TEKT5: variants seen among roughly 807,000 people sequenced by gnomAD.
TEKT5 encodes tektin 5.
TEKT5 carries 52 observed loss-of-function variants against 48.7 expected under a neutral mutation model. That is an observed-to-expected ratio of 1.07 (90% confidence interval 0.86 to 1.35). The LOEUF is 1.35. Among genes scored for constraint, TEKT5 ranks in the 40% most tolerant of loss-of-function variants. The probability of loss-of-function intolerance (pLI) is 0.00; values close to 1 mark genes in which losing one functional copy is unlikely to be tolerated. For synonymous variants in TEKT5, 318 were observed against 267.6 expected (o/e 1.19, Z -1.84); for missense variants, 831 against 641.6 (o/e 1.30, Z -3.19).
At chr16:10,637,837 G>T (rs189211503) in intron 5 of TEKT5, among the ~76,000 whole-genome samples, 5 of 152,320 alleles carry the variant, frequency 3.3e-5, no homozygotes, top group Admixed American at 2.6e-4. Context: ...TTGAGACAGG[G>T]TCTTGCTCTG....
At chr16:10,639,642 T>A (rs1476944358) in intron 5 of TEKT5, among the ~76,000 whole-genome samples, 1 of 152,202 alleles carries the variant, frequency 6.6e-6, no homozygotes, top group Admixed American at 6.5e-5. Context: ...TCACAGTCTA[T>A]TTTTCAAATA....
Position 10,694,844 on chromosome 16 carries a change from G to C in TEKT5, c.30C>G (p.Ala10=). Residue 10 remains alanine (A), a synonymous_variant, in exon 1 of 7, where the codon GCC becomes GCG. Transcript: ENST00000283025. MEFLGTTQT[A]SYCGPKKCCG... ...AGCATTTCTTGGGACCACAGTAACTGGCGGTCTGAGTAGTCCCAAGAAACT... is the reference window on the plus strand; with the variant it reads ...AGCATTTCTTGGGACCACAGTAACTCGCGGTCTGAGTAGTCCCAAGAAACT... 6.3e-7 allele frequency: 1 copy of C among 1,589,596 alleles called. No homozygotes were observed. The highest frequency in any genetic ancestry group is 1.2e-5 in the South Asian group (1 of 86,320).
intron 5 of TEKT5, among the ~76,000 whole-genome samples, chr16:10,673,314 T>C (rs1747712980): frequency 6.6e-6 from 1 of 152,158 alleles, no homozygotes; most frequent in Non-Finnish European, 1.5e-5. Flanking sequence ...TGAAGTTTTA[T>C]TGGAACACAG....
At chr16:10,629,281 C>T (rs568830389) in intron 6 of TEKT5, among the ~76,000 whole-genome samples, 13 of 150,368 alleles carry the variant, frequency 8.6e-5, no homozygotes, top group African/African-American at 3.2e-4. Flanking sequence ...GATGGAGTCT[C>T]GCCCTGTCAT....
intron 5 of TEKT5, among the ~76,000 whole-genome samples, chr16:10,654,964 G>A (rs1462478118): frequency 1.3e-5 from 1 of 78,148 alleles, no homozygotes; most frequent in African/African-American, 5.5e-5. Flanking sequence ...CCCAGTCTGT[G>A]ACGAGATTTT....
At chr16:10,660,949 C>T (rs1898360192) in intron 5 of TEKT5, among the ~76,000 whole-genome samples, 1 of 152,132 alleles carries the variant, frequency 6.6e-6, no homozygotes, top group South Asian at 2.1e-4. Flanking sequence ...GATCTGCCCA[C>T]CCTGGCCTCC....
At chr16:10,687,329 A>G (rs1898880181) in intron 3 of TEKT5, among the ~76,000 whole-genome samples, 2 of 152,242 alleles carry the variant, frequency 1.3e-5, no homozygotes, top group African/African-American at 2.4e-5. Flanking sequence ...TATGTACAGC[A>G]TATACCACTT....
chr16:10,688,254 T>C (rs982185380), intron 3 of TEKT5, among the ~76,000 whole-genome samples: 4 of 152,172 alleles, frequency 2.6e-5, no homozygotes, highest in African/African-American at 7.2e-5. Context: ...TTTCTAGGGG[T>C]CTCCAATGTG....
intron 5 of TEKT5, among the ~76,000 whole-genome samples, chr16:10,657,560 C>T (rs564614638): frequency 6.6e-6 from 1 of 151,658 alleles, no homozygotes; most frequent in African/African-American, 2.4e-5. Context: ...AACATTAAGT[C>T]ACGTTGTAGA....
intron 1 of TEKT5, chr16:10,690,842 G>A (rs1898960261): frequency 8.5e-6 from 8 of 939,324 alleles, no homozygotes; most frequent in Non-Finnish European, 1.0e-5. Flanking sequence ...GAAGGAAGCA[G>A]GATGTCAAGG....
chr16:10,694,522 C>G lies in TEKT5; in HGVS notation c.352G>C (p.Asp118His), dbSNP rs1350917495. The change falls in exon 1 of 7, where the codon GAC (aspartate) becomes CAC (histidine). Residue 118 changes from aspartate (D) to histidine (H), a missense_variant. Physicochemically the swap from Asp to His is moderately conservative, Grantham distance 81 (BLOSUM62 -1). Transcript: ENST00000283025. ...SRLWASRLTD[D>H]SMRLLQDKDQ... ...TTGTCCTGCAAGAGCCTCATGGAGT[C>G]ATCCGTCAGCCGGCTGGCCCACAGC... 6.2e-7 allele frequency: 1 copy of G among 1,609,260 alleles called. No homozygotes were observed.
At chr16:10,676,845 C>G (rs1238335125) in intron 4 of TEKT5, among the ~76,000 whole-genome samples, 1 of 152,150 alleles carries the variant, frequency 6.6e-6, no homozygotes, top group Admixed American at 6.5e-5. Context: ...GGGAGATTGA[C>G]AGTGAATGAG....
chr16:10,656,835 G>A (rs548977811), intron 5 of TEKT5, among the ~76,000 whole-genome samples: 1 of 152,158 alleles, frequency 6.6e-6, no homozygotes, highest in East Asian at 1.9e-4. Context: ...TGATCTCCTG[G>A]GCTCAAGTGA....
In TEKT5 at chr16:10,666,749, G is replaced by T. The variant is rs1437647598; in HGVS notation, c.1086+9210C>A. On this transcript the variant is annotated intron_variant, in intron 5 of 6. Coordinates refer to ENST00000283025, the MANE Select transcript of TEKT5 (RefSeq NM_144674.2). ...GTTCTGAAGTCAATACAAGGCGTGA[G>T]AACTGTGTCTCGTCAAAAGTGCCCT... 2.0e-5 allele frequency among the ~76,000 whole-genome samples: 3 copies of T among 152,296 alleles called. No homozygotes were observed. In the South Asian group the frequency reaches 6.2e-4, roughly 32 times the overall value.
At chr16:10,631,358 C>CGGGG (rs113859011) in intron 6 of TEKT5, among the ~76,000 whole-genome samples, 651 of 25,326 alleles carry the variant, frequency 0.026, 10 homozygotes, top group African/African-American at 0.077. Context: ...GGGGTGGGGG[C>CGGGG]GGGGGAGGGT....
chr16:10,651,486 A>G (rs1300302192), intron 5 of TEKT5, among the ~76,000 whole-genome samples: 1 of 152,186 alleles, frequency 6.6e-6, no homozygotes, highest in Non-Finnish European at 1.5e-5. Context: ...CACAGGATCA[A>G]TGTCTGGAGC....
intron 5 of TEKT5, among the ~76,000 whole-genome samples, chr16:10,647,797 C>G (rs892950571): frequency 2.6e-5 from 4 of 152,196 alleles, no homozygotes. Flanking sequence ...ATTCATTCAT[C>G]CACAGAGTCA....
At chr16:10,648,095 A>G (rs1304414443) in intron 5 of TEKT5, among the ~76,000 whole-genome samples, 1 of 152,224 alleles carries the variant, frequency 6.6e-6, no homozygotes, top group Non-Finnish European at 1.5e-5. Context: ...TTTGATGTAC[A>G]GCACATGGGT....
intron 6 of TEKT5, among the ~76,000 whole-genome samples, chr16:10,632,966 C>CCT (rs564200046): frequency 6.7e-4 from 101 of 151,340 alleles, no homozygotes; most frequent in Middle Eastern, 3.5e-3. Flanking sequence ...TGTCTGTCCT[C>CCT]CTCAGTGGTA....
Sources: allele counts gnomAD v4.1 joint callset (sites outside exome capture counted in the v4.1 genomes callset), GRCh38; gene constraint gnomAD v4.1.1; transcripts MANE v1.5; gene names NCBI Gene and HGNC (gene_info 2026-07-23, HGNC 2026-07-21).